Variants in GLYATL2 observed in about 807,000 individuals in gnomAD.
The protein encoded by GLYATL2 is glycine N-acyltransferase-like protein 2.
In GLYATL2, 25 loss-of-function variants were observed where a neutral mutation model predicts 21.4. The ratio of observed to expected loss-of-function variants is 1.17; its 90% CI spans 0.85 to 1.63. The LOEUF (loss-of-function observed/expected upper bound fraction) is 1.63, where lower values mean the gene tolerates loss of function less well. Among genes scored for constraint, GLYATL2 ranks in the 40% most tolerant of loss-of-function variants. The probability of loss-of-function intolerance (pLI) is 0.00; values close to 1 mark genes in which losing one functional copy is unlikely to be tolerated. For missense variants in GLYATL2, 361 were observed against 343.3 expected (o/e 1.05, Z -0.41); for synonymous variants, 114 against 118.2 (o/e 0.96, Z 0.23).
intron 1 of GLYATL2, among the ~76,000 whole-genome samples, chr11:58,842,323 A>C (rs571160076): frequency 2.8e-4 from 43 of 152,308 alleles, no homozygotes; most frequent in Non-Finnish European, 4.7e-4. Context: ...GCAGGTCATC[A>C]AATAATGTCA....
chr11:58,834,477 A>T lies in GLYATL2; in HGVS notation c.837T>A (p.Cys279Ter). The T allele has an allele frequency of 2.5e-6, 4 of 1,610,570 alleles. No individual in the cohort carries two copies. The highest frequency in any genetic ancestry group is 3.4e-6 in the Non-Finnish European group (4 of 1,178,572). ...QALNNLGFKI[C>*]PCGWHQWKCT... ...ATTTCCACTGATGCCAGCCACAAGG[A>T]CAAATCTTAAACCCCAAATTGTTCA... The change falls in exon 6 of 6, where the codon TGT (cysteine) becomes TGA (stop). Residue 279 changes from cysteine (C) to a stop codon, truncating the protein, a stop_gained. Coordinates refer to ENST00000287275, the MANE Select transcript of GLYATL2 (RefSeq NM_145016.4). LOFTEE classifies it high-confidence loss of function.
At chr11:58,855,666 CT>C (rs1453525881) in intron 1 of GLYATL2, among the ~76,000 whole-genome samples, 1 of 152,224 alleles carries the variant, frequency 6.6e-6, no homozygotes, top group Non-Finnish European at 1.5e-5. Flanking sequence ...CTTTCCAGCT[CT>C]GAAAGTCCTT....
chr11:58,903,335 C>G (rs932343736), intron 1 of GLYATL2, among the ~76,000 whole-genome samples: 1 of 152,114 alleles, frequency 6.6e-6, no homozygotes, highest in Admixed American at 6.5e-5. Flanking sequence ...CATGATCTCT[C>G]TCTGTGAACT....
upstream of GLYATL2, chr11:58,905,758 G>GGGCC: frequency 3.6e-5 from 1 of 27,562 alleles, no homozygotes; most frequent in Non-Finnish European, 7.0e-5. Flanking sequence ...GGGCGGGTGG[G>GGGCC]CGCGCAGTCC....
rs4939241 is a variant in GLYATL2 at position 58,899,635 on chromosome 11, C to G, written n.60+4521G>C. Among the ~76,000 whole-genome samples, 27 of 152,150 alleles carry G rather than the reference C, an allele frequency of 1.8e-4. 1 individual carries two copies. In the South Asian group the frequency reaches 4.4e-3, roughly 25 times the overall value. On this transcript the variant is annotated intron_variant and non_coding_transcript_variant, in intron 1 of 4. Coordinates refer to the GLYATL2 transcript ENST00000533636. ...GACAGACAGCTGCAGAAAGAAGGAACAGAGCCAAGCACATACCAGCGGGTT... is the reference window on the plus strand; with the variant it reads ...GACAGACAGCTGCAGAAAGAAGGAAGAGAGCCAAGCACATACCAGCGGGTT...
intron 1 of GLYATL2, among the ~76,000 whole-genome samples, chr11:58,867,406 G>A (rs1173776859): frequency 6.7e-6 from 1 of 148,648 alleles, no homozygotes; most frequent in African/African-American, 2.4e-5. Flanking sequence ...GTACCATTGG[G>A]TGATAACATT....
At chr11:58,883,707 A>T (rs534167140) in intron 1 of GLYATL2, among the ~76,000 whole-genome samples, 71 of 152,328 alleles carry the variant, frequency 4.7e-4, no homozygotes, top group African/African-American at 1.7e-3. Context: ...ATCTTCTCTA[A>T]CTCATTTTAT....
At chr11:58,870,648 G>A (rs1269699550) in intron 1 of GLYATL2, among the ~76,000 whole-genome samples, 1 of 152,140 alleles carries the variant, frequency 6.6e-6, no homozygotes, top group Admixed American at 6.5e-5. Context: ...AAGCCTCCTG[G>A]GTAAAGGCAG....
intron 1 of GLYATL2, among the ~76,000 whole-genome samples, chr11:58,879,760 T>C (rs1200865248): frequency 1.3e-5 from 2 of 152,210 alleles, no homozygotes; most frequent in African/African-American, 4.8e-5. Flanking sequence ...GGGGTGATGC[T>C]TGTAGAGCAT....
chr11:58,860,675 T>A (rs1311625676), intron 1 of GLYATL2, among the ~76,000 whole-genome samples: 1 of 152,142 alleles, frequency 6.6e-6, no homozygotes, highest in Non-Finnish European at 1.5e-5. Flanking sequence ...CCTTGCCTTG[T>A]CCTTAATCTT....
chr11:58,894,163 A>G (rs369118599), intron 1 of GLYATL2, among the ~76,000 whole-genome samples: 21 of 152,248 alleles, frequency 1.4e-4, no homozygotes, highest in Middle Eastern at 3.4e-3. Flanking sequence ...GTATGGTTAT[A>G]AGTTCAGCGC....
upstream of GLYATL2, among the ~76,000 whole-genome samples, chr11:58,904,495 T>G (rs1854810006): frequency 6.6e-6 from 1 of 152,188 alleles, no homozygotes; most frequent in South Asian, 2.1e-4. Flanking sequence ...CTCTACCACC[T>G]CTTGCTTTTA....
Position 58,858,471 on chromosome 11 carries a change from A to ATT in GLYATL2, n.61-20104_61-20103insAA, listed in dbSNP as rs1565095592. 1.5e-3 allele frequency among the ~76,000 whole-genome samples: 228 copies of ATT among 150,156 alleles called. 1 individual carries two copies. Among genetic ancestry groups the ATT allele is most frequent in the African/African-American group, 5.0e-3 (206 of 40,836 alleles). On this transcript the variant is annotated intron_variant and non_coding_transcript_variant, in intron 1 of 4. Transcript: ENST00000533636. Reference sequence around the variant, plus strand: ...AAGATGAAGAATTGGGCTTTTTTAAAAAAAAAAAAAATTGGATCAAATAAG... The same window carrying ATT: ...AAGATGAAGAATTGGGCTTTTTTAAATTAAAAAAAAAAATTGGATCAAATAAG...
intron 1 of GLYATL2, among the ~76,000 whole-genome samples, chr11:58,850,648 C>T (rs1188446047): frequency 6.6e-6 from 1 of 152,024 alleles, no homozygotes; most frequent in Non-Finnish European, 1.5e-5. Context: ...GCAGTAATGC[C>T]AGCATCTGGG....
chr11:58,899,508 A>G (rs1326435984), intron 1 of GLYATL2, among the ~76,000 whole-genome samples: 1 of 152,242 alleles, frequency 6.6e-6, no homozygotes, highest in Admixed American at 6.5e-5. Context: ...GGAGGGAGAA[A>G]GAACAACAAA....
chr11:58,850,087 T>C (rs1853712823), intron 1 of GLYATL2, among the ~76,000 whole-genome samples: 1 of 152,198 alleles, frequency 6.6e-6, no homozygotes, highest in East Asian at 1.9e-4. Context: ...CCAATATTTC[T>C]GATGAATATT....
Position 58,878,821 on chromosome 11 carries a change from G to C in GLYATL2, n.60+25335C>G, listed in dbSNP as rs548269109. Among the ~76,000 whole-genome samples the C allele has an allele frequency of 2.0e-5, 3 of 152,250 alleles. No individual in the cohort carries two copies. In the South Asian group the frequency reaches 6.2e-4, roughly 32 times the overall value. ...GAGGCAGTGAAGTCTTACAGAAATGGCAAAATCTTACTAAAGATAACTTAG... is the reference window on the plus strand; with the variant it reads ...GAGGCAGTGAAGTCTTACAGAAATGCCAAAATCTTACTAAAGATAACTTAG... On this transcript the variant is annotated intron_variant and non_coding_transcript_variant, in intron 1 of 4. Transcript: ENST00000533636.
At chr11:58,841,848 T>C (rs1411802011) in intron 1 of GLYATL2, among the ~76,000 whole-genome samples, 1 of 152,150 alleles carries the variant, frequency 6.6e-6, no homozygotes, top group East Asian at 1.9e-4. Flanking sequence ...GTACTAAAGA[T>C]GGCAGTGCAT....
At chr11:58,890,543 G>A (rs1393578400) in intron 1 of GLYATL2, among the ~76,000 whole-genome samples, 4 of 152,192 alleles carry the variant, frequency 2.6e-5, no homozygotes, top group African/African-American at 9.6e-5. Flanking sequence ...GGAGCAGGAG[G>A]CCATAATACT....
Sources: allele counts gnomAD v4.1 joint callset (sites outside exome capture counted in the v4.1 genomes callset), GRCh38; gene constraint gnomAD v4.1.1; transcripts MANE v1.5; gene names NCBI Gene and HGNC (gene_info 2026-07-23, HGNC 2026-07-21).